DOCK3: variants seen among roughly 807,000 people sequenced by gnomAD.
The protein encoded by DOCK3 is dedicator of cytokinesis protein 3.
Under a neutral mutation model 265.6 loss-of-function variants are expected in DOCK3, and 60 were observed. That is an observed-to-expected ratio of 0.23 (90% CI 0.18 to 0.28). The LOEUF is 0.28. DOCK3 is among the 10% of genes least tolerant of loss of function. The pLI is 1.00. For synonymous variants in DOCK3, 881 were observed against 938.0 expected (o/e 0.94, Z 1.11); for missense variants, 1,981 against 2,594.3 (o/e 0.76, Z 5.14).
chr3:50,891,664 A>G (rs535790705), intron 4 of DOCK3, among the ~76,000 whole-genome samples: 29 of 152,198 alleles, frequency 1.9e-4, no homozygotes, highest in African/African-American at 5.3e-4. Flanking sequence ...TTCAGAAGTA[A>G]TATCCTTTAT....
chr3:51,139,743 C>T (rs545195246), intron 9 of DOCK3, among the ~76,000 whole-genome samples: 1 of 152,354 alleles, frequency 6.6e-6, no homozygotes, highest in South Asian at 2.1e-4. Context: ...GAGTACTGCT[C>T]TTGCCAACAT....
At chr3:51,353,021 A>G (rs750505154) in intron 40 of DOCK3, among the ~76,000 whole-genome samples, 10 of 152,220 alleles carry the variant, frequency 6.6e-5, no homozygotes, top group Non-Finnish European at 1.5e-4. Context: ...GTGATTATCT[A>G]TTAATCTGCA....
chr3:51,088,216 G>A (rs1412541653), intron 7 of DOCK3, among the ~76,000 whole-genome samples: 1 of 152,138 alleles, frequency 6.6e-6, no homozygotes, highest in African/African-American at 2.4e-5. Flanking sequence ...ACAAAAAAAT[G>A]TGCATCTCTT....
intron 5 of DOCK3, among the ~76,000 whole-genome samples, chr3:50,977,134 T>G (rs2077482696): frequency 1.3e-5 from 2 of 151,394 alleles, no homozygotes; most frequent in Admixed American, 6.6e-5. Flanking sequence ...GAGCATTTAG[T>G]CCATTTACAT....
rs183341254 is a variant in DOCK3 at position 51,206,948 on chromosome 3, G to T, written c.1038-1826G>T. ...AGTGAACTACTGAGTTCCTCTCAGT[G>T]AGAGGGCATCTCTGGGTACAGCCAG... On this transcript the variant is annotated intron_variant, in intron 12 of 52. Transcript: ENST00000266037. 2.0e-5 allele frequency among the ~76,000 whole-genome samples: 3 copies of T among 152,328 alleles called. No individual in the cohort carries two copies. The East Asian group carries it at 5.8e-4, about 29-fold the overall frequency.
At chr3:50,808,856 A>G (rs752239878) in intron 2 of DOCK3, among the ~76,000 whole-genome samples, 1 of 152,240 alleles carries the variant, frequency 6.6e-6, no homozygotes, top group Non-Finnish European at 1.5e-5. Flanking sequence ...TGCTATGCCA[A>G]TTGAAATTGA....
intron 5 of DOCK3, among the ~76,000 whole-genome samples, chr3:50,997,747 A>G (rs560497563): frequency 1.3e-5 from 2 of 152,246 alleles, no homozygotes; most frequent in South Asian, 2.1e-4. Flanking sequence ...TTGATGTTGG[A>G]AAAATAACTG....
chr3:51,018,212 C>T (rs1575785768), intron 5 of DOCK3, among the ~76,000 whole-genome samples: 1 of 151,764 alleles, frequency 6.6e-6, no homozygotes, highest in Admixed American at 6.6e-5. Flanking sequence ...TATCTTTCAC[C>T]AAAACTCTTG....
intron 26 of DOCK3, 107 bp downstream of exon 26, chr3:51,277,861 C>T: frequency 6.5e-7 from 1 of 1,534,700 alleles, no homozygotes. Flanking sequence ...TCAGCCTTCC[C>T]TCCTGCATGG....
chr3:50,845,814 T>C (rs2046052618), intron 3 of DOCK3, among the ~76,000 whole-genome samples: 1 of 152,170 alleles, frequency 6.6e-6, no homozygotes, highest in Admixed American at 6.5e-5. Context: ...AAGGTAAATA[T>C]TGAAGTATTT....
At chr3:50,734,254 A>G (rs1354158084) in intron 1 of DOCK3, among the ~76,000 whole-genome samples, 1 of 152,188 alleles carries the variant, frequency 6.6e-6, no homozygotes, top group East Asian at 1.9e-4. Flanking sequence ...CATGCCTGTA[A>G]TCCCAATACT....
At chr3:50,780,761 A>G (rs1559628987) in intron 2 of DOCK3, among the ~76,000 whole-genome samples, 1 of 152,138 alleles carries the variant, frequency 6.6e-6, no homozygotes, top group African/African-American at 2.4e-5. Flanking sequence ...TATGTGGGAT[A>G]GAACATTAGA....
At chr3:51,331,059 C>T (rs2084485998) in intron 33 of DOCK3, among the ~76,000 whole-genome samples, 1 of 152,228 alleles carries the variant, frequency 6.6e-6, no homozygotes. Flanking sequence ...ATCATCACAA[C>T]ATACCTGCAA....
chr3:51,204,072 A>T (rs2089004812), intron 12 of DOCK3, among the ~76,000 whole-genome samples: 1 of 146,932 alleles, frequency 6.8e-6, no homozygotes, highest in African/African-American at 2.5e-5. Context: ...CTAGAAGAAA[A>T]CCTAGGCATT....
At chr3:51,234,253 C>T (rs1453161469) in intron 19 of DOCK3, among the ~76,000 whole-genome samples, 2 of 152,168 alleles carry the variant, frequency 1.3e-5, no homozygotes, top group African/African-American at 4.8e-5. Context: ...TGATGATGAG[C>T]ATTTTTTCAT....
At chr3:51,099,893 G>A (rs2083015808) in intron 9 of DOCK3, among the ~76,000 whole-genome samples, 4 of 152,194 alleles carry the variant, frequency 2.6e-5, no homozygotes, top group Admixed American at 1.3e-4. Flanking sequence ...TACACCTACT[G>A]TGGGGCTACC....
chr3:51,159,413 TCTC>T, intron 11 of DOCK3, 109 bp downstream of exon 11: 8 of 1,027,584 alleles, frequency 7.8e-6, no homozygotes, highest in Non-Finnish European at 1.2e-5. Flanking sequence ...TAATTTCAGG[TCTC>T]AGGATTAGAG....
At chr3:51,129,302 G>C (rs916100686) in intron 9 of DOCK3, among the ~76,000 whole-genome samples, 2 of 152,198 alleles carry the variant, frequency 1.3e-5, no homozygotes, top group Non-Finnish European at 2.9e-5. Context: ...TTCGGGTGGT[G>C]CCTGCATATC....
At chr3:51,254,696 T>C (rs1193166577) in intron 22 of DOCK3, among the ~76,000 whole-genome samples, 4 of 151,900 alleles carry the variant, frequency 2.6e-5, no homozygotes, top group Admixed American at 6.6e-5. Context: ...CAACCCCTGC[T>C]TTTTTTTGTT....
Sources: allele counts gnomAD v4.1 joint callset (sites outside exome capture counted in the v4.1 genomes callset), GRCh38; gene constraint gnomAD v4.1.1; transcripts MANE v1.5; gene names NCBI Gene and HGNC (gene_info 2026-07-23, HGNC 2026-07-21).